The following HTR4 variants were observed in gnomAD, a reference collection of about 807,000 sequenced individuals.
HTR4 encodes 5-hydroxytryptamine (serotonin) receptor 4, G protein-coupled.
Under a neutral mutation model 36.8 loss-of-function variants are expected in HTR4, and 16 were observed. The observed-to-expected ratio is 0.43, with a 90% confidence interval of 0.29 to 0.66. The LOEUF (loss-of-function observed/expected upper bound fraction) is 0.66. Among genes scored for constraint, HTR4 ranks in the 30% least tolerant of loss-of-function variants. The pLI is 0.13. For missense variants in HTR4, 438 were observed against 490.9 expected (o/e 0.89, Z 1.02); for synonymous variants, 189 against 185.1 (o/e 1.02, Z -0.17).
rs189191779 is a variant in HTR4 at position 148,547,112 on chromosome 5, T to G, written c.353+1556A>C. ...AAGCAATTTAAATACAGCAGGCCAT[T>G]ATGACTACCATTCCAATCAATGCAC... On this transcript the variant is annotated intron_variant, in intron 4 of 6. Transcript: ENST00000377888. 1.1e-4 allele frequency among the ~76,000 whole-genome samples: 16 copies of G among 152,260 alleles called. No homozygotes were observed. The East Asian group carries it at 3.1e-3, about 29-fold the overall frequency.
chr5:148,485,323 T>A (rs796572423), intron 6 of HTR4, among the ~76,000 whole-genome samples: 10 of 152,314 alleles, frequency 6.6e-5, no homozygotes, highest in African/African-American at 2.4e-4. Context: ...AATGACAGGG[T>A]CAGACCTTAC....
At chr5:148,488,819 A>G (rs1756279258) in intron 6 of HTR4, among the ~76,000 whole-genome samples, 1 of 152,190 alleles carries the variant, frequency 6.6e-6, no homozygotes, top group Non-Finnish European at 1.5e-5. Flanking sequence ...GACAAAATGT[A>G]TTCCCAAGGG....
At chr5:148,549,387 C>T (rs1232450650) in intron 3 of HTR4, among the ~76,000 whole-genome samples, 1 of 152,190 alleles carries the variant, frequency 6.6e-6, no homozygotes, top group African/African-American at 2.4e-5. Context: ...TGCGCTTTTG[C>T]ACTTTATTTG....
At chr5:148,481,546 C>G (rs866093557), downstream of HTR4, 24 of 1,338,586 alleles carry the variant, frequency 1.8e-5, no homozygotes, top group Non-Finnish European at 2.3e-5. Flanking sequence ...TTTTTTTTTT[C>G]TTTTTCTTTT....
chr5:148,520,846 G>A, intron 5 of HTR4: 6 of 1,353,720 alleles, frequency 4.4e-6, no homozygotes, highest in Non-Finnish European at 5.9e-6. Context: ...AAATGTCCAT[G>A]CAGTTACACT....
intron 2 of HTR4, among the ~76,000 whole-genome samples, chr5:148,561,639 T>C (rs1760219113): frequency 6.6e-6 from 1 of 151,670 alleles, no homozygotes; most frequent in African/African-American, 2.4e-5. Context: ...TTTTTTTTTT[T>C]ACACACACTT....
chr5:148,556,166 G>A (rs1487816737), intron 2 of HTR4, among the ~76,000 whole-genome samples: 3 of 152,166 alleles, frequency 2.0e-5, no homozygotes, highest in African/African-American at 7.2e-5. Context: ...TGGGATTACA[G>A]GCACCTGCCA....
chr5:148,574,071 C>T (rs999716616), intron 2 of HTR4, among the ~76,000 whole-genome samples: 4 of 152,084 alleles, frequency 2.6e-5, no homozygotes, highest in African/African-American at 4.8e-5. Flanking sequence ...ATAGTCCCAT[C>T]ATTGCTCCTT....
At chr5:148,649,900 T>C (rs1302965083) in intron 1 of HTR4, among the ~76,000 whole-genome samples, 1 of 152,152 alleles carries the variant, frequency 6.6e-6, no homozygotes, top group Admixed American at 6.5e-5. Context: ...CTTAACCCAA[T>C]AGTTCTCAAA....
chr5:148,583,146 G>T lies in HTR4; in HGVS notation c.27-32884C>A, dbSNP rs976455886. On this transcript the variant is annotated intron_variant, in intron 2 of 6. Transcript: ENST00000377888. ...TTTATTGAGAGTTTTTAGCATGAAGGGTTGTTGAATTTTGTCAAAGGCCTT... is the reference window on the plus strand; with the variant it reads ...TTTATTGAGAGTTTTTAGCATGAAGTGTTGTTGAATTTTGTCAAAGGCCTT... 2.5e-4 allele frequency among the ~76,000 whole-genome samples: 37 copies of T among 148,938 alleles called. No homozygotes were observed. In the East Asian group the frequency reaches 5.1e-3, roughly 20 times the overall value.
At chr5:148,565,484 G>A (rs1163182434) in intron 2 of HTR4, among the ~76,000 whole-genome samples, 1 of 152,184 alleles carries the variant, frequency 6.6e-6, no homozygotes, top group Non-Finnish European at 1.5e-5. Flanking sequence ...GAAACTCATA[G>A]GAGTGGAGAT....
chr5:148,577,201 A>G (rs1760959116), intron 2 of HTR4, among the ~76,000 whole-genome samples: 1 of 152,180 alleles, frequency 6.6e-6, no homozygotes, highest in South Asian at 2.1e-4. Context: ...TGTTGCCAAC[A>G]TGCATATGGA....
At position 148,481,979 on chromosome 5, in the gene HTR4, G is replaced by T; in HGVS notation, c.*1224C>A. On this transcript the variant is annotated 3_prime_UTR_variant, in exon 7 of 7. Coordinates refer to ENST00000377888, the MANE Select transcript of HTR4 (RefSeq NM_000870.7). Reference sequence around the variant, plus strand: ...TAGCAGACGGCTATAGCAGCATACTGTTGTCTTAGAAACAGAAAGAAAACT... The same window carrying T: ...TAGCAGACGGCTATAGCAGCATACTTTTGTCTTAGAAACAGAAAGAAAACT... The T allele has an allele frequency of 9.8e-7, 1 of 1,023,136 alleles. No homozygotes were observed. Among genetic ancestry groups the T allele is most frequent in the Non-Finnish European group, 1.2e-6 (1 of 855,158 alleles). The allele number at this position is 1,023,136 out of a possible 1,614,324, so 63.4% of individuals were successfully genotyped here. A position where few individuals can be genotyped will look rare whatever the true frequency, so the allele number is the denominator to read the frequency against.
intron 2 of HTR4, among the ~76,000 whole-genome samples, chr5:148,579,860 C>A (rs1761067171): frequency 6.6e-6 from 1 of 152,030 alleles, no homozygotes; most frequent in Admixed American, 6.6e-5. Flanking sequence ...CTGATTTCTG[C>A]ATCTCTTTCC....
chr5:148,485,669 G>A (rs748014083), intron 6 of HTR4, among the ~76,000 whole-genome samples: 19 of 152,292 alleles, frequency 1.2e-4, no homozygotes, highest in Middle Eastern at 3.4e-3. Flanking sequence ...TTTCTGTGAC[G>A]TAGAACTAGG....
At chr5:148,570,218 C>T (rs568343283) in intron 2 of HTR4, among the ~76,000 whole-genome samples, 1 of 152,152 alleles carries the variant, frequency 6.6e-6, no homozygotes, top group Non-Finnish European at 1.5e-5. Context: ...GTTCATTCAA[C>T]CATTCCTTCA....
At chr5:148,548,891 G>A in intron 3 of HTR4, 23 bp from the exon 4 acceptor site, 1 of 1,577,178 alleles carries the variant, frequency 6.3e-7, no homozygotes, top group African/African-American at 1.4e-5. Context: ...AAGTGTAAGA[G>A]AGGAGGCAGG....
Position 148,548,593 on chromosome 5 carries a change from G to A in HTR4, c.353+75C>T. ...TCATTTCTTCTAATGAATAAGAAAA[G>A]GCAGACACTGCCCAATATCCATCAA... On this transcript the variant is annotated intron_variant, in intron 4 of 6. Transcript: ENST00000377888. 1.7e-6 allele frequency: 2 copies of A among 1,155,004 alleles called. 1 individual carries two copies. Among genetic ancestry groups the A allele is most frequent in the Middle Eastern group, 3.9e-4 (2 of 5,116 alleles). The allele number at this position is 1,155,004 out of a possible 1,614,324, so 71.5% of individuals were successfully genotyped here.
At chr5:148,573,055 G>A (rs934898749) in intron 2 of HTR4, among the ~76,000 whole-genome samples, 1 of 152,082 alleles carries the variant, frequency 6.6e-6, no homozygotes, top group African/African-American at 2.4e-5. Context: ...AGACCAAACA[G>A]CTCAGAGGTT....
Sources: gnomAD v4.1 joint callset for allele counts (sites outside exome capture counted in the v4.1 genomes callset) on GRCh38, gnomAD v4.1.1 for gene constraint, MANE v1.5 for transcripts, NCBI Gene and HGNC (gene_info 2026-07-23, HGNC 2026-07-21) for gene names.